The following MFAP3L variants were observed in gnomAD, a reference collection of about 807,000 sequenced individuals.
MFAP3L encodes microfibrillar-associated protein 3-like.
In MFAP3L, 5 loss-of-function variants were observed where a neutral mutation model predicts 20.0. The ratio of observed to expected loss-of-function variants is 0.25; its 90% CI spans 0.13 to 0.53. The LOEUF is 0.53. Among genes scored for constraint, MFAP3L ranks in the 20% least tolerant of loss-of-function variants. MFAP3L has a pLI of 0.96. For missense variants in MFAP3L, 409 were observed against 527.5 expected, an observed-to-expected ratio of 0.78 and a Z score of 2.20; for synonymous variants, 219 against 213.0, an observed-to-expected ratio of 1.03 and a Z score of -0.25.
intron 1 of MFAP3L, among the ~76,000 whole-genome samples, chr4:170,012,698 T>C (rs1408262906): frequency 6.6e-6 from 1 of 152,216 alleles, no homozygotes; most frequent in Non-Finnish European, 1.5e-5. Flanking sequence ...CTTTTTAAAG[T>C]AGTTGGCCCT....
intron 1 of MFAP3L, among the ~76,000 whole-genome samples, chr4:170,009,144 G>A (rs1230853725): frequency 6.6e-6 from 1 of 152,108 alleles, no homozygotes; most frequent in Non-Finnish European, 1.5e-5. Flanking sequence ...TAGCACTTTG[G>A]GAGGCTGACG....
intron 1 of MFAP3L, among the ~76,000 whole-genome samples, chr4:170,011,220 G>A (rs576400028): frequency 6.6e-6 from 1 of 152,306 alleles, no homozygotes; most frequent in South Asian, 2.1e-4. Flanking sequence ...TCTCAGGTAT[G>A]TCTTTATTAG....
In MFAP3L at chr4:170,003,106, T is replaced by C. The variant is rs562929799; in HGVS notation, c.298+2474A>G. On this transcript the variant is annotated intron_variant, in intron 2 of 2. Coordinates refer to ENST00000361618, the MANE Select transcript of MFAP3L (RefSeq NM_021647.8). ...ACACTGCTTTGTATATTATCCCATG[T>C]TGCTTATGCTCTGAAATTACCATCA... 1.1e-3 allele frequency among the ~76,000 whole-genome samples: 170 copies of C among 152,374 alleles called. 1 individual carries two copies. Among genetic ancestry groups the C allele is most frequent in the African/African-American group, 3.9e-3 (162 of 41,596 alleles).
rs761478591 is a variant in MFAP3L at position 169,991,551 on chromosome 4, A to C, written c.1057T>G (p.Ser353Ala). Residue 353 changes from serine (S) to alanine (A), a missense_variant, in exon 3 of 3, where the codon TCC (serine) becomes GCC (alanine). By Grantham distance (99) the Ser-to-Ala change is moderately conservative. Around this residue, in one of 3 missense-constraint regions of MFAP3L, gnomAD observed 169 missense variants for 178.2 expected, o/e 0.95. Coordinates refer to ENST00000361618, the MANE Select transcript of MFAP3L (RefSeq NM_021647.8). The surrounding 1 kb of genome is among the most constrained non-coding windows in gnomAD (Gnocchi z 4.9). ...GTAGAAGGTTCTGCAGTTTCGGGGG[A>C]ATGTTCCGCCGACAGTTCTGTCTCC... ...VEETELSAEH[S>A]PETAEPSTDV... The C allele has an allele frequency of 3.7e-6, 6 of 1,613,534 alleles. No homozygotes were observed. Among genetic ancestry groups the C allele is most frequent in the Admixed American group, 3.3e-5 (2 of 59,926 alleles).
chr4:170,001,648 C>G (rs1338850930), intron 2 of MFAP3L, among the ~76,000 whole-genome samples: 1 of 152,118 alleles, frequency 6.6e-6, no homozygotes, highest in Admixed American at 6.5e-5. Context: ...ATAGTTAGGA[C>G]TTAATTCCTG....
chr4:170,000,296 G>A (rs1292269299), intron 2 of MFAP3L, among the ~76,000 whole-genome samples: 1 of 152,216 alleles, frequency 6.6e-6, no homozygotes, highest in Non-Finnish European at 1.5e-5. Context: ...TTAAGGGATA[G>A]GAATTTCTTT....
intron 1 of MFAP3L, among the ~76,000 whole-genome samples, chr4:170,014,616 A>C (rs1052639103): frequency 6.6e-5 from 10 of 152,230 alleles, no homozygotes; most frequent in African/African-American, 2.4e-4. Context: ...TCTATAAATC[A>C]GAGGGCAATC....
chr4:170,010,814 G>T (rs191033093), intron 1 of MFAP3L, among the ~76,000 whole-genome samples: 1 of 151,644 alleles, frequency 6.6e-6, no homozygotes, highest in Non-Finnish European at 1.5e-5. Flanking sequence ...ATTGCGGGGG[G>T]GTGGGTGCCC....
In MFAP3L at chr4:169,991,075, T is replaced by A. The variant is rs541109263; in HGVS notation, c.*303A>T. 29 of 411,860 alleles carry A rather than the reference T, an allele frequency of 7.0e-5. 1 individual carries two copies. Among genetic ancestry groups the A allele is most frequent in the African/African-American group, 5.4e-4 (27 of 50,216 alleles). 25.5% of individuals were successfully genotyped at this position (411,860 alleles called of 1,614,324 possible). Reference sequence around the variant, plus strand: ...CTCAGAATATCTTACAGTGGTGTACTCTTTGCCAAGAAGGCATCACCAATT... The same window carrying A: ...CTCAGAATATCTTACAGTGGTGTACACTTTGCCAAGAAGGCATCACCAATT... On this transcript the variant is annotated 3_prime_UTR_variant, in exon 3 of 3. Coordinates refer to ENST00000361618, the MANE Select transcript of MFAP3L (RefSeq NM_021647.8). This position sits in a 1 kb window ranked among gnomAD's most constrained non-coding sequence, Gnocchi z 4.9.
chr4:169,993,612 A>G (rs1737908893), intron 2 of MFAP3L: 1 of 152,002 alleles, frequency 6.6e-6, no homozygotes, highest in Admixed American at 6.6e-5. Flanking sequence ...CTCTGCTCCA[A>G]GGAACTTTCT....
At position 170,014,637 on chromosome 4, in the gene MFAP3L, G is replaced by A. The variant is rs755244077; in HGVS notation, c.-133-8627C>T. Among the ~76,000 whole-genome samples, 4 of 152,146 alleles carry A rather than the reference G, an allele frequency of 2.6e-5. No individual in the cohort carries two copies. The South Asian group carries it at 6.2e-4, about 24-fold the overall frequency. On this transcript the variant is annotated intron_variant, in intron 1 of 2. Coordinates refer to ENST00000361618, the MANE Select transcript of MFAP3L (RefSeq NM_021647.8). ...AATCAGAGGGCAATCTTCTTAATAT[G>A]CTTTCCTAATATGACTCAGGACCTG...
chr4:169,991,982 G>A lies in MFAP3L; in HGVS notation c.626C>T (p.Pro209Leu). 1 of 1,614,188 alleles carries A rather than the reference G, an allele frequency of 6.2e-7. No homozygotes were observed. Among genetic ancestry groups the A allele is most frequent in the Non-Finnish European group, 8.5e-7 (1 of 1,180,038 alleles). Reference sequence around the variant, plus strand: ...TAGAGTTTTGGCGGAGGTGATGATGGGGATGCGCTTGGCGATCTCAAATGC... The same window carrying A: ...TAGAGTTTTGGCGGAGGTGATGATGAGGATGCGCTTGGCGATCTCAAATGC... ...QKAFEIAKRI[P>L]IITSAKTLEL... Residue 209 changes from proline (P) to leucine (L), a missense_variant, in exon 3 of 3, where the codon CCC becomes CTC. This residue lies in a region of MFAP3L where 127 missense variants were observed against 218.1 expected (regional missense o/e 0.58). Transcript: ENST00000361618. This position sits in a 1 kb window ranked among gnomAD's most constrained non-coding sequence, Gnocchi z 4.9.
At chr4:170,014,222 T>C (rs1739559468) in intron 1 of MFAP3L, among the ~76,000 whole-genome samples, 1 of 152,210 alleles carries the variant, frequency 6.6e-6, no homozygotes, top group African/African-American at 2.4e-5. Context: ...ATTTGGAGTA[T>C]GCATGTAGAG....
Position 169,992,355 on chromosome 4 carries a change from C to T in MFAP3L, c.299-46G>A, listed in dbSNP as rs767157419. 1.4e-6 allele frequency: 2 copies of T among 1,469,590 alleles called. No homozygotes were observed. The highest frequency in any genetic ancestry group is 2.3e-5 in the East Asian group (1 of 43,956). The allele number at this position is 1,469,590 out of a possible 1,614,324, so 91.0% of individuals were successfully genotyped here. ...GAATTCAACCAAGGACACAGAGCTC[C>T]CATGACTACAAACTGATACGTTTCT... On this transcript the variant is annotated intron_variant, in intron 2 of 2. Coordinates refer to ENST00000361618, the MANE Select transcript of MFAP3L (RefSeq NM_021647.8). The surrounding 1 kb of genome is among the most constrained non-coding windows in gnomAD (Gnocchi z 4.3).
intron 1 of MFAP3L, among the ~76,000 whole-genome samples, chr4:170,022,237 G>A (rs113467814): frequency 1.2e-4 from 19 of 152,310 alleles, no homozygotes; most frequent in African/African-American, 4.6e-4. Context: ...CTGAATTACA[G>A]CATGCTGGTT....
chr4:169,997,072 A>G (rs1204174287), intron 2 of MFAP3L, among the ~76,000 whole-genome samples: 1 of 152,132 alleles, frequency 6.6e-6, no homozygotes, highest in East Asian at 1.9e-4. Context: ...TGAAGACCAC[A>G]GCATTTCAAA....
chr4:170,019,111 C>G (rs975513823), intron 1 of MFAP3L, among the ~76,000 whole-genome samples: 1 of 152,216 alleles, frequency 6.6e-6, no homozygotes, highest in Non-Finnish European at 1.5e-5. Flanking sequence ...GGTTTTGAAT[C>G]TTTAAGCACA....
intron 2 of MFAP3L, among the ~76,000 whole-genome samples, chr4:169,999,556 A>C (rs922226112): frequency 2.0e-5 from 3 of 152,176 alleles, no homozygotes; most frequent in Non-Finnish European, 4.4e-5. Flanking sequence ...GTGGTCCTCC[A>C]AAATAACAGC....
intron 1 of MFAP3L, among the ~76,000 whole-genome samples, chr4:170,025,998 C>T (rs1328282345): frequency 4.6e-5 from 7 of 152,104 alleles, no homozygotes; most frequent in Non-Finnish European, 1.0e-4. Context: ...GCCCAGGATG[C>T]GGCAGTCCCC....
Sources: gnomAD v4.1 joint callset for allele counts (sites outside exome capture counted in the v4.1 genomes callset) on GRCh38, gnomAD v4.1.1 for gene constraint, gnomAD v4.1.1 regional missense constraint, Gnocchi (gnomAD v3.1) non-coding constraint, MANE v1.5 for transcripts, NCBI Gene and HGNC (gene_info 2026-07-23, HGNC 2026-07-21) for gene names.